The following CAPN1 variants were observed in gnomAD, a reference collection of about 807,000 sequenced individuals.
CAPN1 encodes calpain-1 catalytic subunit.
In CAPN1, 77 loss-of-function variants were observed where a neutral mutation model predicts 105.2. The observed-to-expected ratio is 0.73, with a 90% CI of 0.61 to 0.88. The LOEUF (loss-of-function observed/expected upper bound fraction) is 0.88. CAPN1 is among the 40% of genes least tolerant of loss of function. The pLI is 0.00. For missense variants in CAPN1, 833 were observed against 976.6 expected (o/e 0.85, Z 1.96); for synonymous variants, 355 against 388.8 (o/e 0.91, Z 1.02).
chr11:65,209,852 G>A lies in CAPN1; in HGVS notation c.1798G>A (p.Asp600Asn). The part of the protein sequence containing the change: ...CRSMVNLMDR[D>N]GNGKLGLVEF... ...TTCCTTCTTAACGGCCACCCAGCGTGATGGCAATGGGAAGCTGGGCCTGGT... is the reference window on the plus strand; with the variant it reads ...TTCCTTCTTAACGGCCACCCAGCGTAATGGCAATGGGAAGCTGGGCCTGGT... The change falls in exon 18 of 22, where the codon GAT (aspartate) becomes AAT (asparagine). Residue 600 changes from aspartate (D) to asparagine (N), a missense_variant. Coordinates refer to ENST00000279247, the MANE Select transcript of CAPN1 (RefSeq NM_005186.4). This position sits in a 1 kb window ranked among gnomAD's most constrained non-coding sequence, Gnocchi z 4.1. 6.2e-7 allele frequency: 1 copy of A among 1,613,714 alleles called. No individual in the cohort carries two copies. Among genetic ancestry groups the A allele is most frequent in the Middle Eastern group, 1.6e-4 (1 of 6,062 alleles).
chr11:65,210,233 G>C lies in CAPN1; in HGVS notation c.1943-103G>C. 1 of 1,125,536 alleles carries C rather than the reference G, an allele frequency of 8.9e-7. No individual in the cohort carries two copies. The highest frequency in any genetic ancestry group is 1.3e-6 in the Non-Finnish European group (1 of 753,800). 69.7% of individuals were successfully genotyped at this position (1,125,536 alleles called of 1,614,324 possible). A position where few individuals can be genotyped will look rare whatever the true frequency, so the allele number is the denominator to read the frequency against. On this transcript the variant is annotated intron_variant, in intron 19 of 21. Coordinates refer to ENST00000279247, the MANE Select transcript of CAPN1 (RefSeq NM_005186.4). The surrounding 1 kb of genome is among the most constrained non-coding windows in gnomAD (Gnocchi z 4.3). ...CTTGTCCTTTTCCCCACGGTTACTA[G>C]CACCCTGCCTAGCCCCAGCCCCCTC...
At chr11:65,200,352 C>CT (rs948701277) in intron 10 of CAPN1, among the ~76,000 whole-genome samples, 7 of 150,894 alleles carry the variant, frequency 4.6e-5, no homozygotes, top group Admixed American at 2.0e-4. Flanking sequence ...CAGCTTTGTT[C>CT]TTTTTTTTTG....
chr11:65,194,830 A>G (rs1305436573), intron 10 of CAPN1, among the ~76,000 whole-genome samples: 1 of 152,154 alleles, frequency 6.6e-6, no homozygotes, highest in Non-Finnish European at 1.5e-5. Flanking sequence ...TGTTCCTGTG[A>G]ACATTCATGT....
intron 10 of CAPN1, among the ~76,000 whole-genome samples, chr11:65,193,884 A>G (rs944211079): frequency 6.7e-6 from 1 of 150,350 alleles, no homozygotes; most frequent in Non-Finnish European, 1.5e-5. Flanking sequence ...TGTGTGCCAC[A>G]GTGCCTGGTA....
In CAPN1 at chr11:65,188,671, C is replaced by T. The variant is rs371969328; in HGVS notation, c.1090C>T (p.Arg364Cys). ...CGACGCCCTCAAGAGCCGGACCATC[C>T]GCAAATGGAACACCACACTCTACGA... The part of the protein sequence containing the change: ...TPDALKSRTI[R>C]KWNTTLYEGT... The change falls in exon 10 of 22, where the codon CGC becomes TGC. Residue 364 changes from arginine to cysteine, a missense_variant. Transcript: ENST00000279247. This position sits in a 1 kb window ranked among gnomAD's most constrained non-coding sequence, Gnocchi z 5.5. 22 of 1,613,550 alleles carry T rather than the reference C, an allele frequency of 1.4e-5. No homozygotes were observed. The highest frequency in any genetic ancestry group is 1.1e-4 in the East Asian group (5 of 44,866).
chr11:65,182,611 G>A lies in CAPN1; in HGVS notation c.-1-90G>A. 5 of 1,366,512 alleles carry A rather than the reference G, an allele frequency of 3.7e-6. No individual in the cohort carries two copies. The South Asian group carries it at 6.3e-5, about 17-fold the overall frequency. The allele number at this position is 1,366,512 out of a possible 1,614,324, so 84.6% of individuals were successfully genotyped here. ...AAACCCTAGGTTTGGGGATGGATAAGCAGGGGCAGGAGAGCAGAGCTTGCA... is the reference window on the plus strand; with the variant it reads ...AAACCCTAGGTTTGGGGATGGATAAACAGGGGCAGGAGAGCAGAGCTTGCA... On this transcript the variant is annotated intron_variant, in intron 1 of 21. Coordinates refer to ENST00000279247, the MANE Select transcript of CAPN1 (RefSeq NM_005186.4).
chr11:65,184,989 CAT>C (rs1370344172), intron 4 of CAPN1, among the ~76,000 whole-genome samples: 1 of 151,948 alleles, frequency 6.6e-6, no homozygotes, highest in Non-Finnish European at 1.5e-5. Context: ...CAAGTATACA[CAT>C]GTCTATATGT....
Position 65,186,185 on chromosome 11 carries a change from C to T in CAPN1, c.606C>T (p.Tyr202=), listed in dbSNP as rs756986750. The change falls in exon 6 of 22, where the codon TAC becomes TAT. Residue 202 remains tyrosine (Y), a synonymous_variant. Coordinates refer to ENST00000279247, the MANE Select transcript of CAPN1 (RefSeq NM_005186.4). Reference sequence around the variant, plus strand: ...CTGCCCACAGGGTAAATGGCAGCTACGAGGCCCTGTCAGGGGGCAGCACCT... The same window carrying T: ...CTGCCCACAGGGTAAATGGCAGCTATGAGGCCCTGTCAGGGGGCAGCACCT... ...EKAYAKVNGS[Y]EALSGGSTSE... is the part of the protein sequence containing the mutation. The T allele has an allele frequency of 3.5e-5, 57 of 1,613,026 alleles. No homozygotes were observed. Among genetic ancestry groups the T allele is most frequent in the Non-Finnish European group, 4.8e-5 (57 of 1,179,516 alleles).
chr11:65,202,811 G>C (rs1332279518), intron 10 of CAPN1, among the ~76,000 whole-genome samples: 1 of 152,078 alleles, frequency 6.6e-6, no homozygotes, highest in African/African-American at 2.4e-5. Flanking sequence ...TATTCACAGA[G>C]TTGTGCAACC....
rs1295709250 is a variant in CAPN1, at chr11:65,186,486, C to T, written c.759+148C>T. ...TGGATGCATACCCTGCCTCATCCAT[C>T]ACTTCCACCCCCCATGCCTGGTGTC... On this transcript the variant is annotated intron_variant, in intron 6 of 21. Coordinates refer to ENST00000279247, the MANE Select transcript of CAPN1 (RefSeq NM_005186.4). 3 of 725,776 alleles carry T rather than the reference C, an allele frequency of 4.1e-6. No individual in the cohort carries two copies. In the Admixed American group the frequency reaches 8.9e-5, roughly 21 times the overall value. 45.0% of individuals were successfully genotyped at this position (725,776 alleles called of 1,614,324 possible). A position where few individuals can be genotyped will look rare whatever the true frequency, so the allele number is the denominator to read the frequency against.
Position 65,188,165 on chromosome 11 carries a change from G to T in CAPN1, c.929+125G>T. ...TGAGCAGAGGGGCCCATCTTCGCGCGACTGGGTCTGGGGGACTGCTCTGAC... is the reference window on the plus strand; with the variant it reads ...TGAGCAGAGGGGCCCATCTTCGCGCTACTGGGTCTGGGGGACTGCTCTGAC... On this transcript the variant is annotated intron_variant, in intron 8 of 21. Transcript: ENST00000279247. This position sits in a 1 kb window ranked among gnomAD's most constrained non-coding sequence, Gnocchi z 5.5. 1.3e-6 allele frequency: 1 copy of T among 753,070 alleles called. No homozygotes were observed. Among genetic ancestry groups the T allele is most frequent in the Non-Finnish European group, 2.2e-6 (1 of 461,888 alleles). The allele number at this position is 753,070 out of a possible 1,614,324, so 46.6% of individuals were successfully genotyped here. A position where few individuals can be genotyped will look rare whatever the true frequency, so the allele number is the denominator to read the frequency against.
Position 65,210,149 on chromosome 11 carries a change from TG to T in CAPN1, c.1942+54del. 1 of 1,434,440 alleles carries T rather than the reference TG, an allele frequency of 7.0e-7. No individual in the cohort carries two copies. The highest frequency in any genetic ancestry group is 9.8e-7 in the Non-Finnish European group (1 of 1,018,328). 88.9% of individuals were successfully genotyped at this position (1,434,440 alleles called of 1,614,324 possible). ...TGGGGCCCAGGACAGGTAGCCCCAC[TG>T]CTCCTATGCCCCAGGCCCTTGTCCC... On this transcript the variant is annotated intron_variant, in intron 19 of 21. Coordinates refer to ENST00000279247, the MANE Select transcript of CAPN1 (RefSeq NM_005186.4). The surrounding 1 kb of genome is among the most constrained non-coding windows in gnomAD (Gnocchi z 4.3).
rs747003502 is a variant in CAPN1 at position 65,210,112 on chromosome 11, T to C, written c.1942+16T>C. On this transcript the variant is annotated intron_variant, in intron 19 of 21. Transcript: ENST00000279247. This position sits in a 1 kb window ranked among gnomAD's most constrained non-coding sequence, Gnocchi z 4.3. ...GAGTCGGCAGGTGAGACTCCAAGGC[T>C]GACGGCACCTGTGGGGCCCAGGACA... The C allele has an allele frequency of 1.9e-6, 3 of 1,605,800 alleles. No individual in the cohort carries two copies. In the South Asian group the frequency reaches 3.3e-5, roughly 18 times the overall value.
chr11:65,203,975 G>T (rs1260894629), intron 10 of CAPN1, among the ~76,000 whole-genome samples: 1 of 152,100 alleles, frequency 6.6e-6, no homozygotes, highest in Non-Finnish European at 1.5e-5. Flanking sequence ...CCCGCACTGG[G>T]TTGTTTTAGT....
Position 65,188,558 on chromosome 11 carries a change from TG to T in CAPN1, c.1005-27del. 1 of 1,613,874 alleles carries T rather than the reference TG, an allele frequency of 6.2e-7. No individual in the cohort carries two copies. The highest frequency in any genetic ancestry group is 8.5e-7 in the Non-Finnish European group (1 of 1,179,802). On this transcript the variant is annotated intron_variant, in intron 9 of 21. Coordinates refer to ENST00000279247, the MANE Select transcript of CAPN1 (RefSeq NM_005186.4). This position sits in a 1 kb window ranked among gnomAD's most constrained non-coding sequence, Gnocchi z 5.5. Reference sequence around the variant, plus strand: ...ATCAGCTCTGTGCCCTGACGGGCTGTGCCTCACCTGTGTACCTCCCACCTCA... The same window carrying T: ...ATCAGCTCTGTGCCCTGACGGGCTGTCCTCACCTGTGTACCTCCCACCTCA...
Position 65,210,005 on chromosome 11 carries a change from G to C in CAPN1, c.1864-13G>C, listed in dbSNP as rs1590868066. The C allele has an allele frequency of 6.2e-7, 1 of 1,613,174 alleles. No individual in the cohort carries two copies. On this transcript the variant is annotated splice_polypyrimidine_tract_variant and intron_variant, in intron 18 of 21. Transcript: ENST00000279247. This position sits in a 1 kb window ranked among gnomAD's most constrained non-coding sequence, Gnocchi z 4.3. ...TGACTCAGCCTGGCCCTCACCCTCT[G>C]CCGCCACCTCAGTCCATCTTCCGGA...
intron 10 of CAPN1, among the ~76,000 whole-genome samples, chr11:65,198,328 G>T (rs1395766822): frequency 6.6e-6 from 1 of 151,844 alleles, no homozygotes; most frequent in Non-Finnish European, 1.5e-5. Context: ...CACTTTTTTG[G>T]TAGAGATGGG....
At chr11:65,204,480 C>T (rs1948920077) in intron 10 of CAPN1, among the ~76,000 whole-genome samples, 1 of 152,224 alleles carries the variant, frequency 6.6e-6, no homozygotes, top group African/African-American at 2.4e-5. Context: ...CTTGCTCAGA[C>T]TTAAGCCTCT....
In CAPN1 at chr11:65,208,238, A is replaced by G. The variant is rs1590866649; in HGVS notation, c.1705A>G (p.Ile569Val). The G allele has an allele frequency of 2.5e-6, 4 of 1,571,794 alleles. No homozygotes were observed. The highest frequency in any genetic ancestry group is 3.5e-6 in the Non-Finnish European group (4 of 1,158,472). ...MEISVKELRT[I>V]LNRIISKHKD... ...GATCAGCGTGAAGGAGTTGCGGACA[A>G]TCCTCAATAGGATCATCAGCAAACG... The change falls in exon 16 of 22, where the codon ATC (isoleucine) becomes GTC (valine). Residue 569 changes from isoleucine to valine, a missense_variant. Ile to Val is a conservative substitution (Grantham distance 29). Transcript: ENST00000279247. The surrounding 1 kb of genome is among the most constrained non-coding windows in gnomAD (Gnocchi z 4.1).
Sources: gnomAD v4.1 joint callset for allele counts (sites outside exome capture counted in the v4.1 genomes callset) on GRCh38, gnomAD v4.1.1 for gene constraint, Gnocchi (gnomAD v3.1) non-coding constraint, MANE v1.5 for transcripts, NCBI Gene and HGNC (gene_info 2026-07-23, HGNC 2026-07-21) for gene names.